The following ZNF124 variants were observed in gnomAD, a reference collection of about 807,000 sequenced individuals.
ZNF124 encodes zinc finger protein HZF-16.
Under a neutral mutation model 26.6 loss-of-function variants are expected in ZNF124, and 25 were observed. The observed-to-expected ratio is 0.94, with a 90% CI of 0.68 to 1.31. The LOEUF is 1.31. Among genes scored for constraint, ZNF124 ranks in the 40% most tolerant of loss-of-function variants. The pLI is 0.00. For missense variants in ZNF124, 444 were observed against 422.2 expected (o/e 1.05, Z -0.45); for synonymous variants, 129 against 133.3 (o/e 0.97, Z 0.22).
At chr1:247,136,966 T>C (rs1572061613) in intron 3 of ZNF124, among the ~76,000 whole-genome samples, 1 of 150,582 alleles carries the variant, frequency 6.6e-6, no homozygotes, top group African/African-American at 2.4e-5. Flanking sequence ...AAAAATTATA[T>C]GGAGTCAAAG....
At chr1:247,141,129 G>A (rs569265708) in intron 3 of ZNF124, among the ~76,000 whole-genome samples, 3 of 152,078 alleles carry the variant, frequency 2.0e-5, no homozygotes, top group African/African-American at 4.8e-5. Context: ...TGTGCTGTGG[G>A]ACCAAGCCCA....
At chr1:247,122,473 T>G (rs1357321206) in exon 4 of ZNF124, 10 of 152,438 alleles carry the variant, frequency 6.6e-5, no homozygotes, top group Admixed American at 5.9e-4. Flanking sequence ...CCACCAACAG[T>G]GAAGTGGATA....
At chr1:247,124,050 G>C (rs1193435210) in intron 3 of ZNF124, among the ~76,000 whole-genome samples, 1 of 151,076 alleles carries the variant, frequency 6.6e-6, no homozygotes, top group African/African-American at 2.4e-5. Context: ...GGATGGTCTT[G>C]ATCTCCTGAC....
Position 247,156,924 on chromosome 1 carries a change from G to C in ZNF124, c.698C>G (p.Pro233Arg). Residue 233 changes from proline (P) to arginine (R), a missense_variant, in exon 4 of 4, where the codon CCT becomes CGT. Pro to Arg is a moderately radical substitution (Grantham distance 103). Coordinates refer to ENST00000543802, the MANE Select transcript of ZNF124 (RefSeq NM_001297568.2). Reference protein sequence around the residue: ...YHERTHTGEKPYVCMECGKAF... With the variant: ...YHERTHTGEKRYVCMECGKAF... ...TTTGCCACATTCCATGCACACATAAGGTTTCTCTCCAGTGTGAGTTCTTTC... is the reference window on the plus strand; with the variant it reads ...TTTGCCACATTCCATGCACACATAACGTTTCTCTCCAGTGTGAGTTCTTTC... 1 of 1,613,776 alleles carries C rather than the reference G, an allele frequency of 6.2e-7. No homozygotes were observed. Among genetic ancestry groups the C allele is most frequent in the Non-Finnish European group, 8.5e-7 (1 of 1,179,806 alleles).
At chr1:247,131,246 A>T (rs1190149894) in intron 3 of ZNF124, among the ~76,000 whole-genome samples, 2 of 152,122 alleles carry the variant, frequency 1.3e-5, no homozygotes, top group East Asian at 1.9e-4. Context: ...CAGCCCAGGG[A>T]GGCAGTGAGT....
intron 3 of ZNF124, among the ~76,000 whole-genome samples, chr1:247,132,929 TCTG>T (rs1424076283): frequency 5.9e-5 from 9 of 152,332 alleles, no homozygotes; most frequent in African/African-American, 1.9e-4. Flanking sequence ...GAGACGCAAG[TCTG>T]CTGAAGTTCC....
In ZNF124 at chr1:247,170,632, A is replaced by C. The variant is rs1170178743; in HGVS notation, c.30+1216T>G. Among the ~76,000 whole-genome samples, 6 of 143,998 alleles carry C rather than the reference A, an allele frequency of 4.2e-5. 1 individual carries two copies. In the East Asian group the frequency reaches 6.0e-4, roughly 14 times the overall value. 94.5% of individuals were successfully genotyped at this position (143,998 alleles called of 152,430 possible). ...GCTTTGGCAAGACTCACGTCTCCAA[A>C]AACCCAGCTCCCCAAGTGAGCAATT... On this transcript the variant is annotated intron_variant, in intron 1 of 3. Transcript: ENST00000543802.
At position 247,159,772 on chromosome 1, in the gene ZNF124, C is replaced by G. The variant is rs766892499; in HGVS notation, c.72G>C (p.Gln24His). The change falls in exon 2 of 4, where the codon CAG becomes CAC. Residue 24 changes from glutamine to histidine, a missense_variant. Physicochemically the swap from Gln to His is conservative, Grantham distance 24 (BLOSUM62 0). Coordinates refer to ENST00000543802, the MANE Select transcript of ZNF124 (RefSeq NM_001297568.2). ...AAGGATCCAACAAAGCCCACTCCTC[C>G]TGGGTGAAGTTCACAGCCACATCCT... The part of the protein sequence containing the change: ...AFEDVAVNFT[Q>H]EEWALLDPSQ... The G allele has an allele frequency of 6.2e-6, 10 of 1,613,876 alleles. No individual in the cohort carries two copies. Among genetic ancestry groups the G allele is most frequent in the Non-Finnish European group, 8.5e-7 (1 of 1,179,940 alleles).
At chr1:247,170,697 C>T (rs1173213034) in intron 1 of ZNF124, among the ~76,000 whole-genome samples, 1 of 143,134 alleles carries the variant, frequency 7.0e-6, no homozygotes, top group East Asian at 2.0e-4. Flanking sequence ...AGGGGGTCCA[C>T]GTGAGAGGGT....
chr1:247,124,593 T>C (rs959897769), intron 3 of ZNF124, among the ~76,000 whole-genome samples: 4 of 152,308 alleles, frequency 2.6e-5, no homozygotes, highest in African/African-American at 9.6e-5. Flanking sequence ...TTCTGCATCC[T>C]GTAGCAGCCA....
intron 3 of ZNF124, among the ~76,000 whole-genome samples, chr1:247,127,997 CA>C (rs1394561510): frequency 6.6e-6 from 1 of 152,196 alleles, no homozygotes; most frequent in African/African-American, 2.4e-5. Flanking sequence ...AGCAGGGTCT[CA>C]AATCCATGAC....
chr1:247,127,600 C>T lies in ZNF124; in HGVS notation c.219-3729G>A, dbSNP rs1288987098. Among the ~76,000 whole-genome samples, 3 of 144,812 alleles carry T rather than the reference C, an allele frequency of 2.1e-5. No homozygotes were observed. The East Asian group carries it at 5.9e-4, about 28-fold the overall frequency. On this transcript the variant is annotated intron_variant, in intron 3 of 3. Transcript: ENST00000472531. ...GGTTACAGATTGACCCTTGACCTGA[C>T]CGGTTGTGTTATCTATAGATTCCAG...
chr1:247,161,484 T>G (rs1364860943), intron 1 of ZNF124, among the ~76,000 whole-genome samples: 3 of 152,154 alleles, frequency 2.0e-5, no homozygotes, highest in African/African-American at 7.2e-5. Context: ...ACAAGGTTTT[T>G]TTTGACATAT....
downstream of ZNF124, among the ~76,000 whole-genome samples, chr1:247,153,994 G>GA (rs1673019032): frequency 1.3e-5 from 2 of 152,184 alleles, no homozygotes; most frequent in Non-Finnish European, 2.9e-5. Context: ...AGCAGCAAGA[G>GA]AAAAAGCAGC....
intron 1 of ZNF124, among the ~76,000 whole-genome samples, chr1:247,167,804 T>G (rs1167834518): frequency 6.6e-6 from 1 of 152,068 alleles, no homozygotes; most frequent in Non-Finnish European, 1.5e-5. Flanking sequence ...GAGAAAATCT[T>G]CACCAACTAT....
Position 247,168,315 on chromosome 1 carries a change from C to A in ZNF124, c.30+3533G>T, listed in dbSNP as rs922627098. Among the ~76,000 whole-genome samples the A allele has an allele frequency of 6.6e-6, 1 of 152,062 alleles. No individual in the cohort carries two copies. The highest frequency in any genetic ancestry group is 6.5e-5 in the Admixed American group (1 of 15,272). On this transcript the variant is annotated intron_variant, in intron 1 of 3. Transcript: ENST00000543802. The surrounding 1 kb of genome is among the most constrained non-coding windows in gnomAD (Gnocchi z 4.0). Reference sequence around the variant, plus strand: ...AGGCTGAGGCAGGTGGATAACCTGACATCAGGAGTTCGATACCAGCCTGGC... The same window carrying A: ...AGGCTGAGGCAGGTGGATAACCTGAAATCAGGAGTTCGATACCAGCCTGGC...
At chr1:247,161,438 T>TA (rs1226645766) in intron 1 of ZNF124, among the ~76,000 whole-genome samples, 3 of 152,026 alleles carry the variant, frequency 2.0e-5, no homozygotes, top group Non-Finnish European at 2.9e-5. Context: ...TATTCAAAAG[T>TA]AAAAAGTATA....
chr1:247,170,932 T>A (rs1274135182), intron 1 of ZNF124, among the ~76,000 whole-genome samples: 1 of 100,210 alleles, frequency 1.0e-5, no homozygotes, highest in Non-Finnish European at 1.8e-5. Flanking sequence ...AGTTTTTACT[T>A]CTTCTTTCTT....
chr1:247,127,742 C>T (rs559667340), intron 3 of ZNF124, among the ~76,000 whole-genome samples: 20 of 149,336 alleles, frequency 1.3e-4, no homozygotes, highest in South Asian at 8.4e-4. Flanking sequence ...ACGACCCTCT[C>T]ACGCGGACCC....
Sources: gnomAD v4.1 joint callset for allele counts (sites outside exome capture counted in the v4.1 genomes callset) on GRCh38, gnomAD v4.1.1 for gene constraint, Gnocchi (gnomAD v3.1) non-coding constraint, MANE v1.5 for transcripts, NCBI Gene and HGNC (gene_info 2026-07-23, HGNC 2026-07-21) for gene names.